CXCL13: variants seen among roughly 807,000 people sequenced by gnomAD.
CXCL13 encodes the protein C-X-C motif chemokine 13.
A neutral mutation model predicts 12.2 loss-of-function variants in CXCL13; 7 were observed. The ratio of observed to expected loss-of-function variants is 0.57; its 90% confidence interval spans 0.33 to 1.07. The LOEUF (loss-of-function observed/expected upper bound fraction) is 1.07, where lower values mean the gene tolerates loss of function less well. CXCL13 is among the 50% of genes least tolerant of loss of function. The pLI is 0.04. For synonymous variants in CXCL13, 47 were observed against 42.4 expected (o/e 1.11, Z -0.42); for missense variants, 113 against 127.4 (o/e 0.89, Z 0.55).
chr4:77,555,028 C>T (rs938412675), intron 1 of CXCL13, among the ~76,000 whole-genome samples: 1 of 151,120 alleles, frequency 6.6e-6, no homozygotes, highest in African/African-American at 2.4e-5. Context: ...GCTAAAAAAA[C>T]AGAAGAACAA....
At chr4:77,595,276 T>A (rs566965809) in intron 1 of CXCL13, among the ~76,000 whole-genome samples, 1 of 152,236 alleles carries the variant, frequency 6.6e-6, no homozygotes, top group East Asian at 1.9e-4. Context: ...TTTCCACCAC[T>A]CTGAGACACC....
intron 1 of CXCL13, 98 bp from the exon 2 acceptor site, chr4:77,607,605 A>T: frequency 1.7e-6 from 2 of 1,186,814 alleles, no homozygotes; most frequent in Non-Finnish European, 2.4e-6. Flanking sequence ...TGAAACTTTT[A>T]AGTCTTCAAA....
intron 1 of CXCL13, among the ~76,000 whole-genome samples, chr4:77,560,422 A>T (rs974307457): frequency 2.0e-5 from 3 of 152,214 alleles, no homozygotes; most frequent in African/African-American, 7.2e-5. Flanking sequence ...ACTGTTCTTG[A>T]TCAAGCCCTG....
intron 1 of CXCL13, among the ~76,000 whole-genome samples, chr4:77,588,339 A>G (rs1726528894): frequency 1.3e-5 from 2 of 152,202 alleles, no homozygotes; most frequent in Non-Finnish European, 2.9e-5. Context: ...ATGACTAGAA[A>G]GAGTGGCCAC....
At chr4:77,539,981 A>G (rs1725161368) in intron 1 of CXCL13, among the ~76,000 whole-genome samples, 1 of 152,226 alleles carries the variant, frequency 6.6e-6, no homozygotes, top group Admixed American at 6.5e-5. Context: ...CCATTGGGTC[A>G]GAAGGGCCAT....
intron 1 of CXCL13, among the ~76,000 whole-genome samples, chr4:77,562,544 A>G (rs903328276): frequency 6.6e-6 from 1 of 152,116 alleles, no homozygotes; most frequent in African/African-American, 2.4e-5. Flanking sequence ...GGGGACTTGA[A>G]GAACTTTTAT....
In CXCL13 at chr4:77,564,058, A is replaced by G. The variant is rs79283083; in HGVS notation, c.-42-41766A>G. Among the ~76,000 whole-genome samples, 679 of 152,306 alleles carry G rather than the reference A, an allele frequency of 4.5e-3. 18 individuals are homozygous for G. The highest frequency in any genetic ancestry group is 0.027 in the East Asian group (140 of 5,182). On this transcript the variant is annotated intron_variant, in intron 1 of 4. Transcript: ENST00000286758. ...GAAATTCTTAATAATTGTGAACAAG[A>G]CACCCCACATTTTTATTTTGCACCA...
chr4:77,531,515 A>G (rs1040607559), intron 1 of CXCL13, among the ~76,000 whole-genome samples: 1 of 151,894 alleles, frequency 6.6e-6, no homozygotes, highest in African/African-American at 2.4e-5. Context: ...AAAAGAATGT[A>G]TATTCTGTTG....
In CXCL13 at chr4:77,585,363, G is replaced by A. The variant is rs531462138; in HGVS notation, c.-42-20461G>A. 7.9e-5 allele frequency among the ~76,000 whole-genome samples: 12 copies of A among 152,304 alleles called. No individual in the cohort carries two copies. The East Asian group carries it at 2.3e-3, about 29-fold the overall frequency. On this transcript the variant is annotated intron_variant, in intron 1 of 4. Transcript: ENST00000286758. ...TGCAAACGATGTTTATTTAAATCAT[G>A]ATTAAATCTCAAGGTCTGCAGAGCA...
chr4:77,604,204 T>G (rs556014601), upstream of CXCL13, among the ~76,000 whole-genome samples: 1 of 152,240 alleles, frequency 6.6e-6, no homozygotes, highest in East Asian at 1.9e-4. Flanking sequence ...ACGGTTGGGG[T>G]AGAAGAGTCT....
At chr4:77,599,522 C>T (rs970409774) in intron 1 of CXCL13, among the ~76,000 whole-genome samples, 3 of 152,070 alleles carry the variant, frequency 2.0e-5, no homozygotes, top group Non-Finnish European at 4.4e-5. Flanking sequence ...TAAGGAAGGC[C>T]GACTGTATTC....
intron 1 of CXCL13, among the ~76,000 whole-genome samples, chr4:77,585,488 A>G (rs1726434710): frequency 6.6e-6 from 1 of 152,176 alleles, no homozygotes; most frequent in Non-Finnish European, 1.5e-5. Flanking sequence ...TTCTCATAAC[A>G]TGCACAAAAA....
intron 1 of CXCL13, among the ~76,000 whole-genome samples, chr4:77,543,306 A>C (rs1016541806): frequency 2.0e-5 from 3 of 152,032 alleles, no homozygotes; most frequent in Non-Finnish European, 4.4e-5. Flanking sequence ...CCTTTCAAAA[A>C]AACTGCTTTT....
At position 77,598,425 on chromosome 4, in the gene CXCL13, G is replaced by A. The variant is rs545849943; in HGVS notation, c.-42-7399G>A. Among the ~76,000 whole-genome samples, 17 of 152,280 alleles carry A rather than the reference G, an allele frequency of 1.1e-4. No individual in the cohort carries two copies. The East Asian group carries it at 3.3e-3, about 29-fold the overall frequency. ...TCGTCCCTTTCAGAGCCTGGAAGAG[G>A]GAAGGGGAAGTATAGAACAACCAGA... On this transcript the variant is annotated intron_variant, in intron 1 of 4. Transcript: ENST00000286758.
rs540467396 is a variant in CXCL13 at position 77,518,399 on chromosome 4, T to A, written c.-43+6611T>A. ...ATATCCTGCAGAGTGTTTTCCAACT[T>A]GGTTCCATTCTCCCTGTCACTTTCA... is the stretch of plus-strand genomic sequence containing the variant. On this transcript the variant is annotated intron_variant, in intron 1 of 4. Transcript: ENST00000286758. 4.3e-3 allele frequency among the ~76,000 whole-genome samples: 655 copies of A among 152,304 alleles called. 9 individuals are homozygous for A. The highest frequency in any genetic ancestry group is 0.015 in the African/African-American group (630 of 41,562).
At chr4:77,527,119 A>G (rs532789059) in intron 1 of CXCL13, among the ~76,000 whole-genome samples, 22 of 152,312 alleles carry the variant, frequency 1.4e-4, no homozygotes, top group Non-Finnish European at 2.9e-4. Context: ...AGACCTACAG[A>G]TGGCAAATAA....
intron 1 of CXCL13, among the ~76,000 whole-genome samples, chr4:77,547,774 TA>T (rs1456074343): frequency 6.6e-6 from 1 of 152,190 alleles, no homozygotes; most frequent in East Asian, 1.9e-4. Flanking sequence ...ACCCTGTCAT[TA>T]TGATGTTAGC....
intron 2 of CXCL13, among the ~76,000 whole-genome samples, chr4:77,608,175 T>C (rs918017673): frequency 4.6e-5 from 7 of 152,146 alleles, no homozygotes; most frequent in African/African-American, 1.7e-4. Flanking sequence ...GCGTGGTGGC[T>C]CACGCCTGTA....
chr4:77,556,806 T>C (rs931544670), intron 1 of CXCL13, among the ~76,000 whole-genome samples: 5 of 151,924 alleles, frequency 3.3e-5, no homozygotes, highest in African/African-American at 9.7e-5. Flanking sequence ...GCCCCTGAAG[T>C]CCGGGGTTTA....
Sources: allele counts gnomAD v4.1 joint callset (sites outside exome capture counted in the v4.1 genomes callset), GRCh38; gene constraint gnomAD v4.1.1; transcripts MANE v1.5; gene names NCBI Gene and HGNC (gene_info 2026-07-23, HGNC 2026-07-21).